Variants in DPP10 observed in about 807,000 individuals in gnomAD.
DPP10 encodes the protein inactive dipeptidyl peptidase 10.
DPP10 carries 33 observed loss-of-function variants against 120.9 expected under a neutral mutation model. The observed-to-expected ratio is 0.27, with a 90% CI of 0.21 to 0.37. The LOEUF is 0.37. Ranked by LOEUF, DPP10 falls within the 10% of genes least tolerant of loss-of-function variation. The pLI is 1.00. For synonymous variants in DPP10, 337 were observed against 326.1 expected (o/e 1.03, Z -0.36); for missense variants, 816 against 942.8 (o/e 0.87, Z 1.76).
At chr2:115,534,015 C>G (rs1346582286) in intron 5 of DPP10, among the ~76,000 whole-genome samples, 2 of 151,896 alleles carry the variant, frequency 1.3e-5, no homozygotes, top group Non-Finnish European at 2.9e-5. Flanking sequence ...TTTTTGGAAG[C>G]CAGTATTTAC....
At chr2:114,980,636 A>G (rs1472713031) in intron 1 of DPP10, among the ~76,000 whole-genome samples, 1 of 82,048 alleles carries the variant, frequency 1.2e-5, no homozygotes, top group African/African-American at 4.0e-5. Flanking sequence ...AATCTACTGA[A>G]AAAAAAAAAA....
chr2:115,041,546 TTAAGCA>T (rs1391334012), intron 1 of DPP10, among the ~76,000 whole-genome samples: 1 of 152,168 alleles, frequency 6.6e-6, no homozygotes, highest in Non-Finnish European at 1.5e-5. Flanking sequence ...GGATACCAAC[TTAAGCA>T]TTTCAGCTCT....
intron 1 of DPP10, among the ~76,000 whole-genome samples, chr2:114,897,891 C>T (rs1693172321): frequency 6.6e-6 from 1 of 151,822 alleles, no homozygotes; most frequent in South Asian, 2.1e-4. Context: ...CACTTTTACA[C>T]TGTTGGTGGG....
intron 10 of DPP10, 114 bp downstream of exon 10, chr2:115,746,297 A>C: frequency 1.1e-6 from 1 of 943,798 alleles, no homozygotes; most frequent in Non-Finnish European, 1.6e-6. Flanking sequence ...TTGAAAATAA[A>C]GCTGAAGTTG....
At chr2:115,335,487 C>T (rs2063069894) in intron 2 of DPP10, among the ~76,000 whole-genome samples, 2 of 151,908 alleles carry the variant, frequency 1.3e-5, no homozygotes, top group Non-Finnish European at 2.9e-5. Flanking sequence ...GACCATATTT[C>T]ATCTGCTGCC....
At chr2:115,508,015 T>C (rs2077036455) in intron 4 of DPP10, among the ~76,000 whole-genome samples, 1 of 152,144 alleles carries the variant, frequency 6.6e-6, no homozygotes, top group African/African-American at 2.4e-5. Flanking sequence ...AGGTTTTAAA[T>C]GTCATTAAAT....
intron 1 of DPP10, among the ~76,000 whole-genome samples, chr2:115,089,191 T>C (rs993994111): frequency 5.3e-5 from 8 of 152,318 alleles, no homozygotes; most frequent in Non-Finnish European, 7.3e-5. Context: ...TTTCTGAACA[T>C]ACCTAGACCT....
At chr2:115,380,418 C>T (rs1225101788) in intron 3 of DPP10, among the ~76,000 whole-genome samples, 1 of 152,124 alleles carries the variant, frequency 6.6e-6, no homozygotes, top group Non-Finnish European at 1.5e-5. Flanking sequence ...GATCTTCTTC[C>T]ATCCTTTGGT....
chr2:115,025,023 A>C lies in DPP10; in HGVS notation c.61-284216A>C, dbSNP rs371024011. ...ATATTTTAATGCTAGGAACACTTGA[A>C]TCATTCTTTTCTAGATAATTTGAAT... On this transcript the variant is annotated intron_variant, in intron 1 of 25. Coordinates refer to ENST00000410059, the MANE Select transcript of DPP10 (RefSeq NM_020868.6). Among the ~76,000 whole-genome samples, 55 of 152,004 alleles carry C rather than the reference A, an allele frequency of 3.6e-4. No homozygotes were observed. The East Asian group carries it at 8.7e-3, about 24-fold the overall frequency.
chr2:114,763,149 G>A (rs1680422846), intron 1 of DPP10, among the ~76,000 whole-genome samples: 2 of 152,134 alleles, frequency 1.3e-5, no homozygotes, highest in African/African-American at 4.8e-5. Flanking sequence ...GCCATGAAAG[G>A]GCTGGTGCTT....
At chr2:115,815,540 T>C (rs1006600339) in intron 20 of DPP10, 135 bp from the exon 21 acceptor site, 16 of 717,302 alleles carry the variant, frequency 2.2e-5, no homozygotes, top group Non-Finnish European at 3.0e-5. Flanking sequence ...ATGACCCTAA[T>C]ACATGAACAG....
intron 1 of DPP10, among the ~76,000 whole-genome samples, chr2:115,098,313 A>G (rs777474107): frequency 5.9e-5 from 9 of 152,204 alleles, no homozygotes; most frequent in Admixed American, 2.0e-4. Context: ...TACTCCCTGC[A>G]CTATTCAGAT....
At chr2:115,614,708 G>A (rs1288794030) in intron 5 of DPP10, among the ~76,000 whole-genome samples, 1 of 152,130 alleles carries the variant, frequency 6.6e-6, no homozygotes, top group Non-Finnish European at 1.5e-5. Context: ...CCAGGCTAGG[G>A]GGAGGAATTC....
At chr2:114,521,510 T>G (rs1406249402) in intron 1 of DPP10, among the ~76,000 whole-genome samples, 3 of 152,084 alleles carry the variant, frequency 2.0e-5, no homozygotes, top group African/African-American at 7.2e-5. Context: ...AAGTCAGACA[T>G]AGAAGATACA....
chr2:115,220,582 C>A (rs977606311), intron 1 of DPP10, among the ~76,000 whole-genome samples: 1 of 151,976 alleles, frequency 6.6e-6, no homozygotes, highest in Non-Finnish European at 1.5e-5. Context: ...AAAATAAATT[C>A]AGAAAAAATT....
intron 1 of DPP10, among the ~76,000 whole-genome samples, chr2:115,047,666 C>T (rs922849182): frequency 5.9e-5 from 9 of 151,948 alleles, no homozygotes; most frequent in Non-Finnish European, 1.0e-4. Flanking sequence ...AAAAGAAATG[C>T]TCAGTTGTAC....
At chr2:115,238,539 G>A (rs2058110703) in intron 1 of DPP10, among the ~76,000 whole-genome samples, 1 of 152,034 alleles carries the variant, frequency 6.6e-6, no homozygotes. Context: ...GACTTTGAGT[G>A]GCTCGAGACT....
chr2:114,561,893 C>T (rs1688792092), intron 1 of DPP10, among the ~76,000 whole-genome samples: 1 of 152,182 alleles, frequency 6.6e-6, no homozygotes, highest in Non-Finnish European at 1.5e-5. Context: ...CAGATTTAAA[C>T]TTATTTCATC....
chr2:115,538,574 A>G (rs1461818838), intron 5 of DPP10, among the ~76,000 whole-genome samples: 1 of 151,994 alleles, frequency 6.6e-6, no homozygotes, highest in Non-Finnish European at 1.5e-5. Context: ...GATTAAACTT[A>G]ACAGTGTTTA....
Sources: gnomAD v4.1 joint callset for allele counts (sites outside exome capture counted in the v4.1 genomes callset) on GRCh38, gnomAD v4.1.1 for gene constraint, MANE v1.5 for transcripts, NCBI Gene and HGNC (gene_info 2026-07-23, HGNC 2026-07-21) for gene names.